CSF2RB: variants seen among roughly 807,000 people sequenced by gnomAD.
CSF2RB encodes the protein colony stimulating factor 2 receptor subunit beta.
In CSF2RB, 22 loss-of-function variants were observed where a neutral mutation model predicts 67.2. That is an observed-to-expected ratio of 0.33 (90% CI 0.23 to 0.47). The LOEUF (loss-of-function observed/expected upper bound fraction) is 0.47. Ranked by LOEUF, CSF2RB falls within the 20% of genes least tolerant of loss-of-function variation. The pLI is 1.00. For missense variants in CSF2RB, 1,113 were observed against 1,174.5 expected (o/e 0.95, Z 0.76); for synonymous variants, 507 against 482.9 (o/e 1.05, Z -0.65).
At chr22:36,935,516 C>G (rs1254671386) in intron 11 of CSF2RB, 75 bp downstream of exon 11, 1 of 1,603,868 alleles carries the variant, frequency 6.2e-7, no homozygotes. Flanking sequence ...CCAGCTCCCT[C>G]CAGGCCCTGC....
intron 1 of CSF2RB, among the ~76,000 whole-genome samples, chr22:36,918,524 C>T (rs1431651326): frequency 1.3e-5 from 2 of 152,178 alleles, no homozygotes; most frequent in Non-Finnish European, 2.9e-5. Context: ...TGGGAGTTAA[C>T]CCTGATCTCT....
chr22:36,923,021 G>A (rs1940915646), intron 2 of CSF2RB, among the ~76,000 whole-genome samples: 1 of 152,176 alleles, frequency 6.6e-6, no homozygotes, highest in Admixed American at 6.5e-5. Flanking sequence ...AAACCATGCT[G>A]AGAACCAACA....
At chr22:36,920,632 C>A (rs933178703) in intron 1 of CSF2RB, among the ~76,000 whole-genome samples, 4 of 152,196 alleles carry the variant, frequency 2.6e-5, no homozygotes, top group African/African-American at 9.7e-5. Context: ...CCGTCCTTTC[C>A]TTTTATGGTT....
chr22:36,933,745 C>T (rs1009936053), intron 9 of CSF2RB, 87 bp from the exon 10 acceptor site: 7 of 1,510,062 alleles, frequency 4.6e-6, no homozygotes, highest in Non-Finnish European at 6.2e-6. Context: ...AGCTAGGAGC[C>T]AGCGAAGCCG....
At chr22:36,918,011 AGAG>A (rs1192460967) in intron 1 of CSF2RB, among the ~76,000 whole-genome samples, 3 of 152,198 alleles carry the variant, frequency 2.0e-5, no homozygotes, top group Admixed American at 2.0e-4. Context: ...TTCCAAAACA[AGAG>A]GAGATCTTTA....
In CSF2RB at chr22:36,939,484, T is replaced by G. The variant is rs1185300374; in HGVS notation, c.*982T>G. 7 of 517,794 alleles carry G rather than the reference T, an allele frequency of 1.4e-5. No individual in the cohort carries two copies. The highest frequency in any genetic ancestry group is 2.1e-5 in the Non-Finnish European group (6 of 286,388). The allele number at this position is 517,794 out of a possible 1,614,324, so 32.1% of individuals were successfully genotyped here. ...GGCCACAGATGAGGGGCTGCTGATCTATGCCTGGGCCTGCACCAGGGATTA... is the reference window on the plus strand; with the variant it reads ...GGCCACAGATGAGGGGCTGCTGATCGATGCCTGGGCCTGCACCAGGGATTA... On this transcript the variant is annotated 3_prime_UTR_variant, in exon 14 of 14. Coordinates refer to ENST00000403662, the MANE Select transcript of CSF2RB (RefSeq NM_000395.3).
intron 3 of CSF2RB, 116 bp downstream of exon 3, chr22:36,923,483 A>G: frequency 7.0e-7 from 1 of 1,436,796 alleles, no homozygotes; most frequent in Non-Finnish European, 9.5e-7. Context: ...GGGAGTGGAC[A>G]GAGGACAGAG....
chr22:36,939,898 G>A lies in CSF2RB; in HGVS notation c.*1396G>A, dbSNP rs1941351445. 1 of 152,238 alleles carries A rather than the reference G, an allele frequency of 6.6e-6. No homozygotes were observed. Among genetic ancestry groups the A allele is most frequent in the Non-Finnish European group, 1.5e-5 (1 of 68,046 alleles). The allele number at this position is 152,238 out of a possible 1,614,324, so 9.4% of individuals were successfully genotyped here. A position where few individuals can be genotyped will look rare whatever the true frequency, so the allele number is the denominator to read the frequency against. ...ACAAAGGTCCTCCCATTGCAAAGCAGTGTTTGTCCTAATTTATATATTGTT... is the reference window on the plus strand; with the variant it reads ...ACAAAGGTCCTCCCATTGCAAAGCAATGTTTGTCCTAATTTATATATTGTT... On this transcript the variant is annotated 3_prime_UTR_variant, in exon 14 of 14. Transcript: ENST00000403662.
At chr22:36,922,547 C>A in intron 2 of CSF2RB, 5 of 578,514 alleles carry the variant, frequency 8.6e-6, no homozygotes, top group Non-Finnish European at 1.6e-5. Flanking sequence ...CCCTAGGCTC[C>A]AGGATGGCTG....
chr22:36,936,506 G>A, intron 12 of CSF2RB, 43 bp from the exon 13 acceptor site: 3 of 1,591,904 alleles, frequency 1.9e-6, no homozygotes, highest in Non-Finnish European at 2.6e-6. Flanking sequence ...CCCCACCTCG[G>A]ACCTCCTGAT....
intron 8 of CSF2RB, among the ~76,000 whole-genome samples, chr22:36,931,821 G>C (rs1329813557): frequency 6.6e-6 from 1 of 152,188 alleles, no homozygotes; most frequent in Non-Finnish European, 1.5e-5. Context: ...CTGGGGAGAG[G>C]CCTCACCTAG....
intron 11 of CSF2RB, 66 bp downstream of exon 11, chr22:36,935,507 C>T (rs1188610679): frequency 6.2e-7 from 1 of 1,602,918 alleles, no homozygotes; most frequent in African/African-American, 1.3e-5. Flanking sequence ...GAATCCCACC[C>T]AGCTCCCTCC....
chr22:36,933,447 G>T (rs1055055621), intron 9 of CSF2RB, among the ~76,000 whole-genome samples: 3 of 152,166 alleles, frequency 2.0e-5, no homozygotes, highest in African/African-American at 7.2e-5. Flanking sequence ...CGGGCCCTGG[G>T]GTCCTGAACC....
At chr22:36,931,293 C>A (rs1380070612) in intron 8 of CSF2RB, among the ~76,000 whole-genome samples, 1 of 152,172 alleles carries the variant, frequency 6.6e-6, no homozygotes, top group Non-Finnish European at 1.5e-5. Context: ...TCCCTCGTTT[C>A]TGTGATGTAA....
chr22:36,936,587 G>C lies in CSF2RB; in HGVS notation c.1503G>C (p.Ser501=). 6.2e-7 allele frequency: 1 copy of C among 1,613,466 alleles called. No individual in the cohort carries two copies. The highest frequency in any genetic ancestry group is 8.5e-7 in the Non-Finnish European group (1 of 1,180,010). ...SAELWPPGSM[S]AFTSGSPPHQ... ...AGCTTTGGCCCCCAGGCAGCATGTC[G>C]GCCTTCACTAGCGGGAGTCCCCCAC... Residue 501 remains serine (S), a synonymous_variant, in exon 13 of 14, where the codon TCG becomes TCC. Coordinates refer to ENST00000403662, the MANE Select transcript of CSF2RB (RefSeq NM_000395.3).
chr22:36,935,185 C>T (rs1430843933), intron 10 of CSF2RB, among the ~76,000 whole-genome samples, 166 bp from the exon 11 acceptor site: 1 of 152,170 alleles, frequency 6.6e-6, no homozygotes, highest in Non-Finnish European at 1.5e-5. Context: ...CCCTTCCCAG[C>T]ATGGATCTGG....
At chr22:36,936,045 G>T (rs1857708750) in intron 12 of CSF2RB, among the ~76,000 whole-genome samples, 1 of 152,180 alleles carries the variant, frequency 6.6e-6, no homozygotes, top group South Asian at 2.1e-4. Flanking sequence ...GAGCTTTGAG[G>T]GTCCCAGTGG....
chr22:36,922,343 G>T, intron 2 of CSF2RB, 60 bp downstream of exon 2: 1 of 1,477,532 alleles, frequency 6.8e-7, no homozygotes, highest in Non-Finnish European at 9.3e-7. Flanking sequence ...CACCCTGGGG[G>T]AGGGCCGCAG....
rs1443917743 is a variant in CSF2RB at position 36,934,000 on chromosome 22, T to C, written c.1315+6T>C. On this transcript the variant is annotated splice_donor_region_variant and intron_variant, in intron 10 of 13. Transcript: ENST00000403662. The stretch of plus-strand genomic sequence containing the variant: ...CTCCTGGGACACCGAGTCGGGTAGG[T>C]GAAGGCTGGAGTCCAGAGCTTCTGG... The C allele has an allele frequency of 6.2e-7, 1 of 1,611,210 alleles. No homozygotes were observed. The highest frequency in any genetic ancestry group is 8.5e-7 in the Non-Finnish European group (1 of 1,179,782).
Sources: gnomAD v4.1 joint callset for allele counts (sites outside exome capture counted in the v4.1 genomes callset) on GRCh38, gnomAD v4.1.1 for gene constraint, MANE v1.5 for transcripts, NCBI Gene and HGNC (gene_info 2026-07-23, HGNC 2026-07-21) for gene names.